The following GATM variants were observed in gnomAD, a reference collection of about 807,000 sequenced individuals.
The protein encoded by GATM is glycine amidinotransferase.
Under a neutral mutation model 54.2 loss-of-function variants are expected in GATM, and 23 were observed. That is an observed-to-expected ratio of 0.42 (90% CI 0.31 to 0.60). The LOEUF (loss-of-function observed/expected upper bound fraction) is 0.60, where lower values mean the gene tolerates loss of function less well. Among genes scored for constraint, GATM ranks in the 20% least tolerant of loss-of-function variants. The pLI is 0.14. For missense variants in GATM, 401 were observed against 544.9 expected (o/e 0.74, Z 2.63); for synonymous variants, 168 against 183.1 (o/e 0.92, Z 0.67).
intron 3 of GATM, among the ~76,000 whole-genome samples, chr15:45,389,984 C>A (rs780438969): frequency 2.6e-5 from 4 of 151,980 alleles, no homozygotes; most frequent in African/African-American, 4.8e-5. Context: ...CCCTGCCTCC[C>A]GAATAGCTGG....
At chr15:45,364,734 G>A in intron 7 of GATM, 63 bp downstream of exon 7, 5 of 1,453,456 alleles carry the variant, frequency 3.4e-6, no homozygotes, top group Non-Finnish European at 4.8e-6. Flanking sequence ...CTCTCTATAG[G>A]AGAAAGATCC....
At chr15:45,386,019 T>A (rs1889800053) in intron 3 of GATM, among the ~76,000 whole-genome samples, 1 of 152,244 alleles carries the variant, frequency 6.6e-6, no homozygotes. Flanking sequence ...GAGATCCTTA[T>A]GTACATGTAA....
In GATM at chr15:45,391,530, C is replaced by A. The variant is rs1448238114; in HGVS notation, c.-319+5392G>T. Among the ~76,000 whole-genome samples, 5 of 152,186 alleles carry A rather than the reference C, an allele frequency of 3.3e-5. No individual in the cohort carries two copies. In the South Asian group the frequency reaches 6.2e-4, roughly 19 times the overall value. On this transcript the variant is annotated intron_variant, in intron 3 of 4. Transcript: ENST00000561148. ...GTAGTAGCTTGAATGTTATCTTACA[C>A]CAAGTAATCAGCAGAGGAAAAATAG...
At position 45,362,144 on chromosome 15, in the gene GATM, G is replaced by A. The variant is rs1244824806; in HGVS notation, c.1237C>T (p.Arg413Trp). 1.2e-6 allele frequency: 2 copies of A among 1,613,770 alleles called. No homozygotes were observed. The highest frequency in any genetic ancestry group is 1.1e-5 in the South Asian group (1 of 91,054). ...GGFHCWTCDV[R>W]RRGTLQSYLD is the part of the protein sequence containing the mutation. ...TAGGACTGTAAGGTGCCTCGGCGCC[G>A]GACATCGCAGGTCCAGCAATGGAAG... The change falls in exon 9 of 9, where the codon CGG becomes TGG. Residue 413 changes from arginine to tryptophan, a missense_variant. Physicochemically the swap from Arg to Trp is moderately radical, Grantham distance 101. Coordinates refer to ENST00000396659, the MANE Select transcript of GATM (RefSeq NM_001482.3).
rs1301929254 is a variant in GATM at position 45,364,391 on chromosome 15, G to A, written c.1043-375C>T. ...TACAAATAAAAAAAAATAACTTGCT[G>A]GGCATAGTGGCCTGCATTTGTAGTC... On this transcript the variant is annotated intron_variant, in intron 7 of 8. Coordinates refer to ENST00000396659, the MANE Select transcript of GATM (RefSeq NM_001482.3). 4.7e-5 allele frequency: 14 copies of A among 298,758 alleles called. No homozygotes were observed. In the Admixed American group the frequency reaches 5.3e-4, roughly 11 times the overall value. The allele number at this position is 298,758 out of a possible 1,614,324, so 18.5% of individuals were successfully genotyped here. A position where few individuals can be genotyped will look rare whatever the true frequency, so the allele number is the denominator to read the frequency against.
intron 7 of GATM, 111 bp downstream of exon 7, chr15:45,364,686 G>A (rs960316105): frequency 1.0e-6 from 1 of 980,290 alleles, no homozygotes; most frequent in Non-Finnish European, 1.6e-6. Context: ...ACACCTTACT[G>A]AGGAAACACA....
upstream of GATM, chr15:45,379,049 G>A (rs1013693156): frequency 1.3e-5 from 2 of 152,096 alleles, no homozygotes; most frequent in African/African-American, 2.4e-5. Flanking sequence ...TTTGTTCCCC[G>A]GGGAGGCAGT....
Position 45,368,303 on chromosome 15 carries a change from T to C in GATM, c.485-43A>G, listed in dbSNP as rs759159847. 6.3e-7 allele frequency: 1 copy of C among 1,584,012 alleles called. No homozygotes were observed. The highest frequency in any genetic ancestry group is 1.1e-5 in the South Asian group (1 of 89,404). Reference sequence around the variant, plus strand: ...TCCATGACAACTTCAGTAGTGTTAATTTCCAAGACAAAAAAGGTCTATATA... The same window carrying C: ...TCCATGACAACTTCAGTAGTGTTAACTTCCAAGACAAAAAAGGTCTATATA... On this transcript the variant is annotated intron_variant, in intron 3 of 8. Coordinates refer to ENST00000396659, the MANE Select transcript of GATM (RefSeq NM_001482.3). The surrounding 1 kb of genome is among the most constrained non-coding windows in gnomAD (Gnocchi z 5.1).
At position 45,376,750 on chromosome 15, in the gene GATM, G is replaced by C. The variant is rs749075034; in HGVS notation, c.139C>G (p.Arg47Gly). 2 of 1,614,150 alleles carry C rather than the reference G, an allele frequency of 1.2e-6. No homozygotes were observed. The highest frequency in any genetic ancestry group is 2.2e-5 in the South Asian group (2 of 91,078). ...QSTQAATASS[R>G]NSCAADDKAT... ...TTGTCGTCAGCTGCACAGGAGTTCC[G>C]GGAGGAAGCCGTAGCTGCCTGGGTG... The change falls in exon 2 of 9, where the codon CGG becomes GGG. Residue 47 changes from arginine to glycine, a missense_variant. Coordinates refer to ENST00000396659, the MANE Select transcript of GATM (RefSeq NM_001482.3).
chr15:45,380,310 C>A (rs1889723722), upstream of GATM, among the ~76,000 whole-genome samples: 2 of 151,632 alleles, frequency 1.3e-5, no homozygotes, highest in African/African-American at 2.4e-5. Flanking sequence ...TAAGGAGGCC[C>A]CCAAATGCCA....
At chr15:45,364,548 A>AAC in intron 7 of GATM, 1 of 446,598 alleles carries the variant, frequency 2.2e-6, no homozygotes, top group African/African-American at 2.0e-5. Flanking sequence ...AAAAAAAAAA[A>AAC]AGTCATATCT....
chr15:45,392,383 ATG>A (rs1047823760), intron 3 of GATM, among the ~76,000 whole-genome samples: 2 of 152,316 alleles, frequency 1.3e-5, no homozygotes, highest in South Asian at 2.1e-4. Flanking sequence ...GTGTGCGTGC[ATG>A]TGTGTGTGTA....
chr15:45,368,560 C>T lies in GATM; in HGVS notation c.485-300G>A, dbSNP rs1153855. ...CCAAGAGGCAAAGGCTGCAGTGAGC[C>T]GAGATTGTGCCACCACACTCCAGCC... On this transcript the variant is annotated intron_variant, in intron 3 of 8. Coordinates refer to ENST00000396659, the MANE Select transcript of GATM (RefSeq NM_001482.3). The surrounding 1 kb of genome is among the most constrained non-coding windows in gnomAD (Gnocchi z 5.1). Among the ~76,000 whole-genome samples, 1 of 151,598 alleles carries T rather than the reference C, an allele frequency of 6.6e-6. No individual in the cohort carries two copies. The highest frequency in any genetic ancestry group is 2.1e-4 in the South Asian group (1 of 4,786).
At chr15:45,363,795 A>G in intron 8 of GATM, 105 bp downstream of exon 8, 1 of 760,154 alleles carries the variant, frequency 1.3e-6, no homozygotes, top group East Asian at 2.6e-5. Flanking sequence ...AAAGGAATCA[A>G]AATTGAATTA....
chr15:45,390,495 C>T (rs938575575), intron 3 of GATM, among the ~76,000 whole-genome samples: 1 of 152,136 alleles, frequency 6.6e-6, no homozygotes, highest in Non-Finnish European at 1.5e-5. Context: ...AGGAGGTATC[C>T]AGATCACATC....
At chr15:45,389,676 T>G (rs1455022798) in intron 3 of GATM, among the ~76,000 whole-genome samples, 1 of 152,156 alleles carries the variant, frequency 6.6e-6, no homozygotes, top group Non-Finnish European at 1.5e-5. Context: ...GTTTTTAACT[T>G]AAGGTTTGTA....
intron 3 of GATM, among the ~76,000 whole-genome samples, chr15:45,387,985 T>G (rs1013344746): frequency 1.3e-5 from 2 of 152,282 alleles, no homozygotes; most frequent in Non-Finnish European, 2.9e-5. Context: ...GTGCTATAGG[T>G]CTCAAGAAGG....
At chr15:45,362,346 G>A in intron 8 of GATM, 125 bp from the exon 9 acceptor site, 1 of 682,406 alleles carries the variant, frequency 1.5e-6, no homozygotes, top group Non-Finnish European at 2.7e-6. Context: ...ACCCAGAATA[G>A]TATTTTCTCT....
chr15:45,394,696 T>C (rs1889908255), intron 3 of GATM, among the ~76,000 whole-genome samples: 1 of 152,226 alleles, frequency 6.6e-6, no homozygotes, highest in African/African-American at 2.4e-5. Context: ...CATTCATGGC[T>C]ACTCTCACAT....
Sources: gnomAD v4.1 joint callset for allele counts (sites outside exome capture counted in the v4.1 genomes callset) on GRCh38, gnomAD v4.1.1 for gene constraint, Gnocchi (gnomAD v3.1) non-coding constraint, MANE v1.5 for transcripts, NCBI Gene and HGNC (gene_info 2026-07-23, HGNC 2026-07-21) for gene names.